ZNF704: variants seen among roughly 807,000 people sequenced by gnomAD.
ZNF704 encodes zinc finger protein 704.
ZNF704 carries 10 observed loss-of-function variants against 44.7 expected under a neutral mutation model. The ratio of observed to expected loss-of-function variants is 0.22; its 90% confidence interval spans 0.14 to 0.38. The LOEUF (loss-of-function observed/expected upper bound fraction) is 0.38, where lower values mean the gene tolerates loss of function less well. ZNF704 is among the 10% of genes least tolerant of loss of function. The pLI is 1.00. For synonymous variants in ZNF704, 211 were observed against 207.6 expected, an observed-to-expected ratio of 1.02 and a Z score of -0.14; for missense variants, 390 against 545.5, an observed-to-expected ratio of 0.71 and a Z score of 2.84.
chr8:80,817,166 A>G (rs1470172117), intron 2 of ZNF704, among the ~76,000 whole-genome samples: 1 of 152,172 alleles, frequency 6.6e-6, no homozygotes, highest in Non-Finnish European at 1.5e-5. Context: ...CCCCTGTCTC[A>G]AGCCCGCACA....
chr8:80,867,042 G>A (rs532270170), intron 1 of ZNF704, among the ~76,000 whole-genome samples: 13 of 152,312 alleles, frequency 8.5e-5, no homozygotes, highest in African/African-American at 3.1e-4. Context: ...TGGTGAAGGA[G>A]AAGAGGCTCT....
At chr8:80,673,977 A>T (rs1818320543) in intron 4 of ZNF704, among the ~76,000 whole-genome samples, 1 of 152,174 alleles carries the variant, frequency 6.6e-6, no homozygotes, top group Non-Finnish European at 1.5e-5. Flanking sequence ...GGGCACACAC[A>T]CCCAGCTCCA....
At chr8:80,867,626 G>C (rs762743895) in intron 1 of ZNF704, among the ~76,000 whole-genome samples, 1 of 152,098 alleles carries the variant, frequency 6.6e-6, no homozygotes, top group Non-Finnish European at 1.5e-5. Flanking sequence ...AACTTTGTCT[G>C]GTATCTTAAG....
intron 4 of ZNF704, among the ~76,000 whole-genome samples, chr8:80,682,185 GGTTT>G (rs1397001400): frequency 3.3e-5 from 5 of 152,164 alleles, no homozygotes. Flanking sequence ...GGGTTTTACG[GGTTT>G]GTTTTCTTCT....
rs183883472 is a variant in ZNF704 at position 80,664,609 on chromosome 8, C to T, written c.927+206G>A. On this transcript the variant is annotated intron_variant, in intron 6 of 8. Transcript: ENST00000327835. ...CATAACAATCTCTACGGGATCGAAT[C>T]CACAGGCAGCATTGGGCAATCTGAG... Among the ~76,000 whole-genome samples the T allele has an allele frequency of 6.2e-4, 95 of 152,306 alleles. 2 individuals are homozygous for T. The highest frequency in any genetic ancestry group is 2.6e-4 in the Non-Finnish European group (18 of 68,032).
At chr8:80,693,620 G>A (rs754745637) in intron 2 of ZNF704, among the ~76,000 whole-genome samples, 5 of 152,182 alleles carry the variant, frequency 3.3e-5, no homozygotes, top group African/African-American at 4.8e-5. Flanking sequence ...GGTGAACTGT[G>A]AAGGTCAGGG....
At chr8:80,721,962 C>T (rs1172186095) in intron 2 of ZNF704, among the ~76,000 whole-genome samples, 6 of 152,178 alleles carry the variant, frequency 3.9e-5, no homozygotes, top group East Asian at 1.9e-4. Flanking sequence ...CTTGGCCAGG[C>T]GCTGTGGCTC....
chr8:80,641,507 G>A (rs1035332537), intron 8 of ZNF704, 30 bp from the exon 9 acceptor site: 14 of 1,499,910 alleles, frequency 9.3e-6, no homozygotes, highest in Non-Finnish European at 1.3e-5. Flanking sequence ...GGTTAGTTTA[G>A]TGGGAGGAAT....
intron 2 of ZNF704, among the ~76,000 whole-genome samples, chr8:80,790,277 G>T (rs1056100497): frequency 2.6e-5 from 4 of 152,204 alleles, no homozygotes; most frequent in African/African-American, 9.7e-5. Flanking sequence ...AGTTAGGGTT[G>T]TGACTCCGTG....
At chr8:80,732,163 C>T (rs1051094877) in intron 2 of ZNF704, among the ~76,000 whole-genome samples, 1 of 152,124 alleles carries the variant, frequency 6.6e-6, no homozygotes, top group African/African-American at 2.4e-5. Context: ...ATGACTGTTT[C>T]CACCTTCATC....
At chr8:80,817,271 C>T (rs1808191458) in intron 2 of ZNF704, among the ~76,000 whole-genome samples, 1 of 152,162 alleles carries the variant, frequency 6.6e-6, no homozygotes, top group African/African-American at 2.4e-5. Context: ...TAACAGGGAG[C>T]TAACTGACCA....
chr8:80,684,808 C>A (rs541657917), intron 4 of ZNF704, among the ~76,000 whole-genome samples: 3 of 152,260 alleles, frequency 2.0e-5, no homozygotes, highest in African/African-American at 7.2e-5. Context: ...GGGCAATAAG[C>A]ATTTTGCCTG....
chr8:80,796,880 GAGGGAAATGGAAAGGGAA>G (rs1807810881), intron 2 of ZNF704, among the ~76,000 whole-genome samples: 2 of 146,278 alleles, frequency 1.4e-5, no homozygotes, highest in African/African-American at 5.0e-5. Context: ...GAGAAAGAGA[GAGGGAAATGGAAAGGGAA>G]AGAGAAAGGG....
chr8:80,812,175 TTCC>T (rs1808097989), intron 2 of ZNF704: 1 of 153,068 alleles, frequency 6.5e-6, no homozygotes, highest in African/African-American at 2.4e-5. Context: ...CCTCTTTATC[TTCC>T]TCCTCTTTAT....
At chr8:80,784,394 A>C (rs1369066857) in intron 2 of ZNF704, among the ~76,000 whole-genome samples, 2 of 152,200 alleles carry the variant, frequency 1.3e-5, no homozygotes, top group Non-Finnish European at 2.9e-5. Context: ...GCAACTACTC[A>C]GAGTTTCTGT....
intron 1 of ZNF704, among the ~76,000 whole-genome samples, chr8:80,825,386 T>C (rs915086137): frequency 1.7e-4 from 26 of 152,210 alleles, no homozygotes; most frequent in African/African-American, 5.5e-4. Context: ...CTATCCTAAA[T>C]ATTTATATAC....
At chr8:80,794,600 GA>G (rs1322572873) in intron 2 of ZNF704, among the ~76,000 whole-genome samples, 2 of 152,064 alleles carry the variant, frequency 1.3e-5, no homozygotes, top group Non-Finnish European at 2.9e-5. Flanking sequence ...TTATTCTCAG[GA>G]AAAAAGCTAT....
At chr8:80,753,372 C>T (rs1478498298) in intron 2 of ZNF704, among the ~76,000 whole-genome samples, 1 of 152,116 alleles carries the variant, frequency 6.6e-6, no homozygotes, top group African/African-American at 2.4e-5. Context: ...AAACAATCTT[C>T]CTGCCCACCA....
At chr8:80,800,818 CCTTACA>C (rs1807886774) in intron 2 of ZNF704, among the ~76,000 whole-genome samples, 1 of 152,066 alleles carries the variant, frequency 6.6e-6, no homozygotes, top group African/African-American at 2.4e-5. Flanking sequence ...ACAATACTAA[CCTTACA>C]CTTAAATGGG....
Sources: gnomAD v4.1 joint callset for allele counts (sites outside exome capture counted in the v4.1 genomes callset) on GRCh38, gnomAD v4.1.1 for gene constraint, MANE v1.5 for transcripts, NCBI Gene and HGNC (gene_info 2026-07-23, HGNC 2026-07-21) for gene names.